The following MTF2 variants were observed in gnomAD, a reference collection of about 807,000 sequenced individuals.
MTF2 encodes the protein metal-response element-binding transcription factor 2.
In MTF2, 11 loss-of-function variants were observed where a neutral mutation model predicts 79.5. The observed-to-expected ratio is 0.14, with a 90% CI of 0.09 to 0.23. The LOEUF is 0.23. Ranked by LOEUF, MTF2 falls within the 10% of genes least tolerant of loss-of-function variation. The pLI, the probability that MTF2 is intolerant of heterozygous loss-of-function variation, is 1.00. For missense variants in MTF2, 486 were observed against 711.2 expected (o/e 0.68, Z 3.60); for synonymous variants, 208 against 232.8 (o/e 0.89, Z 0.97).
chr1:93,108,786 C>G (rs1440061835), intron 1 of MTF2, among the ~76,000 whole-genome samples: 1 of 151,888 alleles, frequency 6.6e-6, no homozygotes, highest in East Asian at 1.9e-4. Flanking sequence ...GTATTTCTTT[C>G]AAACTGAAAC....
chr1:93,083,245 A>G (rs1654686453), intron 1 of MTF2, among the ~76,000 whole-genome samples: 1 of 152,126 alleles, frequency 6.6e-6, no homozygotes, highest in Admixed American at 6.6e-5. Context: ...GCAGGGGGGA[A>G]AATCTGCCTG....
intron 9 of MTF2, 104 bp from the exon 10 acceptor site, chr1:93,127,128 A>C (rs1656730845): frequency 2.7e-6 from 2 of 748,608 alleles, no homozygotes; most frequent in Admixed American, 4.1e-5. Flanking sequence ...TCTGACTACC[A>C]ATCAGTACAC....
chr1:93,113,778 A>C (rs1362441840), intron 3 of MTF2, among the ~76,000 whole-genome samples: 2 of 152,140 alleles, frequency 1.3e-5, no homozygotes, highest in Non-Finnish European at 2.9e-5. Flanking sequence ...TCTGAGCCTC[A>C]GTTCTTCTCT....
chr1:93,124,691 A>G (rs76076202), intron 9 of MTF2, among the ~76,000 whole-genome samples: 2,914 of 152,148 alleles, frequency 0.019, 87 homozygotes, highest in African/African-American at 0.066. Flanking sequence ...ATTAGCATAT[A>G]GTATGGTGGT....
Position 93,134,274 on chromosome 1 carries a change from T to C in MTF2, c.1424+79T>C. ...CTTTGTAAAGTGTTGATTGAATAAT[T>C]TTTTAGCAATTGAAAGTGATGTAAG... is the stretch of plus-strand genomic sequence containing the variant. On this transcript the variant is annotated intron_variant, in intron 14 of 14. Coordinates refer to ENST00000370298, the MANE Select transcript of MTF2 (RefSeq NM_007358.4). 8 of 1,073,182 alleles carry C rather than the reference T, an allele frequency of 7.5e-6. No homozygotes were observed. In the South Asian group the frequency reaches 1.1e-4, roughly 14 times the overall value. The allele number at this position is 1,073,182 out of a possible 1,614,324, so 66.5% of individuals were successfully genotyped here. A position where few individuals can be genotyped will look rare whatever the true frequency, so the allele number is the denominator to read the frequency against.
intron 9 of MTF2, chr1:93,121,760 G>A (rs868338738): frequency 7.9e-6 from 7 of 885,542 alleles, no homozygotes; most frequent in Non-Finnish European, 9.4e-6. Context: ...TTTAGATGAA[G>A]TCTGAGAGAA....
At chr1:93,109,596 AAGAGCTGGGATTACAGGCATGAG>A (rs1275704787) in intron 1 of MTF2, among the ~76,000 whole-genome samples, 1 of 152,118 alleles carries the variant, frequency 6.6e-6, no homozygotes, top group Non-Finnish European at 1.5e-5. Flanking sequence ...CAGCCTCCCA[AAGAGCTGGGATTACAGGCATGAG>A]CCACCGCACC....
rs754808853 is a variant in MTF2, at chr1:93,136,798, A to G, written c.1553A>G (p.Asp518Gly). ...LQTQNSEIVK[D>G]DEGKEDYQFD... ...ACTCAGAACTCAGAAATTGTAAAAG[A>G]TGATGAAGGCAAAGAAGATTATCAG... is the stretch of plus-strand genomic sequence containing the variant. Residue 518 changes from aspartate to glycine, a missense_variant, in exon 15 of 15, where the codon GAT (aspartate) becomes GGT (glycine). Transcript: ENST00000370298. 1 of 1,614,230 alleles carries G rather than the reference A, an allele frequency of 6.2e-7. No individual in the cohort carries two copies. The highest frequency in any genetic ancestry group is 8.5e-7 in the Non-Finnish European group (1 of 1,180,022).
At chr1:93,135,184 C>T (rs146023515) in intron 14 of MTF2, among the ~76,000 whole-genome samples, 224 of 152,266 alleles carry the variant, frequency 1.5e-3, no homozygotes, top group African/African-American at 5.1e-3. Flanking sequence ...GTTGGCCAGG[C>T]AGGTCTTGAA....
chr1:93,090,727 G>A (rs1201877747), intron 1 of MTF2, among the ~76,000 whole-genome samples: 6 of 148,734 alleles, frequency 4.0e-5, no homozygotes, highest in South Asian at 4.3e-4. Context: ...GCAGTGGCAC[G>A]ATCTCGGCTC....
intron 1 of MTF2, among the ~76,000 whole-genome samples, chr1:93,082,089 C>T (rs1654628823): frequency 6.6e-6 from 1 of 152,092 alleles, no homozygotes; most frequent in African/African-American, 2.4e-5. Context: ...AGTGACCTCT[C>T]TAGTCTTTTT....
intron 1 of MTF2, among the ~76,000 whole-genome samples, chr1:93,099,637 A>G (rs1393489026): frequency 6.6e-6 from 1 of 152,212 alleles, no homozygotes; most frequent in Non-Finnish European, 1.5e-5. Flanking sequence ...TGCAAGGTTT[A>G]TACAGCCTTC....
intron 1 of MTF2, among the ~76,000 whole-genome samples, chr1:93,082,228 A>C (rs1238664253): frequency 6.6e-6 from 1 of 152,094 alleles, no homozygotes; most frequent in East Asian, 1.9e-4. Flanking sequence ...TTCAAACATA[A>C]TACAAAGTGA....
At chr1:93,126,549 C>CT (rs1656705426) in intron 9 of MTF2, among the ~76,000 whole-genome samples, 1 of 151,310 alleles carries the variant, frequency 6.6e-6, no homozygotes, top group East Asian at 1.9e-4. Flanking sequence ...GATTTCTTTG[C>CT]TAATATGCCT....
At chr1:93,123,250 GTC>G (rs1206519707) in intron 9 of MTF2, among the ~76,000 whole-genome samples, 1 of 132,690 alleles carries the variant, frequency 7.5e-6, no homozygotes, top group Non-Finnish European at 1.6e-5. Context: ...GGACAGGAGA[GTC>G]TCTCTCTCTC....
chr1:93,093,433 GTTC>G (rs1466919039), intron 1 of MTF2, among the ~76,000 whole-genome samples: 5 of 152,194 alleles, frequency 3.3e-5, no homozygotes, highest in Admixed American at 6.5e-5. Flanking sequence ...TCCTCCTGGA[GTTC>G]TTCTGGAGTT....
chr1:93,134,700 A>T (rs979521521), intron 14 of MTF2, among the ~76,000 whole-genome samples: 2 of 151,460 alleles, frequency 1.3e-5, no homozygotes, highest in East Asian at 3.9e-4. Flanking sequence ...ATGCTTTTTT[A>T]TTTTTTGTAG....
intron 11 of MTF2, among the ~76,000 whole-genome samples, chr1:93,130,844 TG>T (rs1347714294): frequency 2.6e-5 from 4 of 152,176 alleles, no homozygotes; most frequent in African/African-American, 9.7e-5. Context: ...CCTGAGCAAC[TG>T]GTGGGTGGTT....
chr1:93,124,538 G>C (rs1656614349), intron 9 of MTF2, among the ~76,000 whole-genome samples: 1 of 151,972 alleles, frequency 6.6e-6, no homozygotes, highest in South Asian at 2.1e-4. Flanking sequence ...GAGGGAGGTA[G>C]GGAGAAAAGC....
Sources: allele counts gnomAD v4.1 joint callset (sites outside exome capture counted in the v4.1 genomes callset), GRCh38; gene constraint gnomAD v4.1.1; transcripts MANE v1.5; gene names NCBI Gene and HGNC (gene_info 2026-07-23, HGNC 2026-07-21).